UBAC1: variants seen among roughly 807,000 people sequenced by gnomAD.
UBAC1 encodes the protein UBA domain containing 1.
Under a neutral mutation model 45.9 loss-of-function variants are expected in UBAC1, and 27 were observed. That is an observed-to-expected ratio of 0.59 (90% CI 0.43 to 0.81). The LOEUF (loss-of-function observed/expected upper bound fraction) is 0.81, where lower values mean the gene tolerates loss of function less well. Ranked by LOEUF, UBAC1 falls within the 30% of genes least tolerant of loss-of-function variation. The pLI is 0.00. For synonymous variants in UBAC1, 227 were observed against 215.5 expected (o/e 1.05, Z -0.47); for missense variants, 529 against 539.2 (o/e 0.98, Z 0.19).
In UBAC1 at chr9:135,946,253, C is replaced by T. The variant is rs1301376987; in HGVS notation, c.544+16G>A. 12 of 1,568,392 alleles carry T rather than the reference C, an allele frequency of 7.7e-6. No homozygotes were observed. Among genetic ancestry groups the T allele is most frequent in the East Asian group, 4.5e-5 (2 of 44,668 alleles). The stretch of plus-strand genomic sequence containing the variant: ...AGTGAACCGCCCTGGAATGCAGCAT[C>T]GGGGTTGACTCATACCATTCGCCTT... On this transcript the variant is annotated intron_variant, in intron 5 of 9. Coordinates refer to ENST00000371756, the MANE Select transcript of UBAC1 (RefSeq NM_016172.3).
At chr9:135,956,017 TGCTGCA>T (rs1395312707) in intron 1 of UBAC1, among the ~76,000 whole-genome samples, 1 of 152,120 alleles carries the variant, frequency 6.6e-6, no homozygotes, top group Non-Finnish European at 1.5e-5. Context: ...GCAACAGCCA[TGCTGCA>T]CCCCTGGGCG....
intron 9 of UBAC1, among the ~76,000 whole-genome samples, chr9:135,935,201 G>C (rs1839189445): frequency 6.6e-6 from 1 of 152,142 alleles, no homozygotes; most frequent in South Asian, 2.1e-4. Context: ...CCAACCTGAG[G>C]AAGGACTGTC....
At chr9:135,941,883 A>G (rs1286645657) in intron 7 of UBAC1, among the ~76,000 whole-genome samples, 1 of 152,226 alleles carries the variant, frequency 6.6e-6, no homozygotes, top group Admixed American at 6.5e-5. Flanking sequence ...TAACAAAGCT[A>G]GTATCTCGAT....
At chr9:135,939,201 CA>C (rs1839236910) in intron 8 of UBAC1, among the ~76,000 whole-genome samples, 1 of 129,450 alleles carries the variant, frequency 7.7e-6, no homozygotes, top group African/African-American at 2.8e-5. Flanking sequence ...ACCCTGACTC[CA>C]AAAAAATTAA....
At chr9:135,949,565 C>T (rs1366799387) in intron 3 of UBAC1, among the ~76,000 whole-genome samples, 3 of 152,194 alleles carry the variant, frequency 2.0e-5, no homozygotes, top group South Asian at 2.1e-4. Flanking sequence ...AGCTGCCTCA[C>T]GTACTGCATA....
At chr9:135,936,564 C>T (rs141991641) in intron 9 of UBAC1, among the ~76,000 whole-genome samples, 183 of 150,596 alleles carry the variant, frequency 1.2e-3, no homozygotes, top group African/African-American at 3.8e-3. Flanking sequence ...GGCACGATCT[C>T]GGCTCACTGC....
intron 9 of UBAC1, among the ~76,000 whole-genome samples, chr9:135,936,271 G>A (rs1349762118): frequency 6.6e-6 from 1 of 152,008 alleles, no homozygotes; most frequent in East Asian, 1.9e-4. Context: ...GGAGAGCTAG[G>A]AGGAATATGC....
At chr9:135,951,418 A>G (rs898978374) in intron 3 of UBAC1, among the ~76,000 whole-genome samples, 42 of 151,962 alleles carry the variant, frequency 2.8e-4, no homozygotes, top group African/African-American at 8.4e-4. Flanking sequence ...TGAGCCCAGG[A>G]GGTCAAGGTT....
chr9:135,946,221 G>T, intron 5 of UBAC1, 48 bp downstream of exon 5: 2 of 1,366,770 alleles, frequency 1.5e-6, no homozygotes, highest in South Asian at 1.2e-5. Flanking sequence ...CGCTCCCCAA[G>T]GCCGGCAGTG....
Position 135,945,029 on chromosome 9 carries a change from C to A in UBAC1, c.875G>T (p.Arg292Leu), listed in dbSNP as rs1397393200. ...RRKREFRADA[R>L]AVISLMEMGF... Reference sequence around the variant, plus strand: ...GGCGACAGGTCTAGTAACACATACCCGAGCATCAGCCCGAAACTCCCTTTT... The same window carrying A: ...GGCGACAGGTCTAGTAACACATACCAGAGCATCAGCCCGAAACTCCCTTTT... The change falls in exon 7 of 10, where the codon CGG becomes CTG. Residue 292 changes from arginine (R) to leucine (L), a missense_variant and splice_region_variant. Arg to Leu is a moderately radical substitution (Grantham distance 102). Coordinates refer to ENST00000371756, the MANE Select transcript of UBAC1 (RefSeq NM_016172.3). 6.2e-7 allele frequency: 1 copy of A among 1,613,118 alleles called. No homozygotes were observed. Among genetic ancestry groups the A allele is most frequent in the African/African-American group, 1.3e-5 (1 of 75,038 alleles).
intron 9 of UBAC1, among the ~76,000 whole-genome samples, chr9:135,937,684 G>A (rs896154340): frequency 3.9e-5 from 6 of 152,182 alleles, no homozygotes; most frequent in African/African-American, 9.6e-5. Context: ...CCGCGGCCAC[G>A]GCGACGGCCA....
rs1258483492 is a variant in UBAC1 at position 135,933,274 on chromosome 9, T to C, written c.*126A>G. 1.1e-5 allele frequency: 8 copies of C among 715,906 alleles called. No individual in the cohort carries two copies. The highest frequency in any genetic ancestry group is 9.9e-5 in the Admixed American group (4 of 40,408). 44.3% of individuals were successfully genotyped at this position (715,906 alleles called of 1,614,324 possible). On this transcript the variant is annotated 3_prime_UTR_variant, in exon 10 of 10. Transcript: ENST00000371756. ...AATAAGATCAGAGAGCAGGAGCAGC[T>C]GCAGCACCTCTAACAGTCCAGGGCT... is the stretch of plus-strand genomic sequence containing the variant.
At chr9:135,956,941 G>T (rs1207779695) in intron 1 of UBAC1, among the ~76,000 whole-genome samples, 1 of 152,162 alleles carries the variant, frequency 6.6e-6, no homozygotes, top group South Asian at 2.1e-4. Flanking sequence ...AGCTGGGCCG[G>T]GGCACCACCC....
chr9:135,959,477 C>T (rs942545714), intron 1 of UBAC1, among the ~76,000 whole-genome samples: 2 of 149,406 alleles, frequency 1.3e-5, no homozygotes, highest in Middle Eastern at 3.2e-3. Flanking sequence ...CGGGTTCAAG[C>T]GATTACCCTG....
At position 135,945,989 on chromosome 9, in the gene UBAC1, C is replaced by T; in HGVS notation, c.553G>A (p.Asp185Asn). Residue 185 changes from aspartate to asparagine, a missense_variant, in exon 6 of 10, where the codon GAC becomes AAC. Physicochemically the swap from Asp to Asn is conservative, Grantham distance 23. Coordinates refer to ENST00000371756, the MANE Select transcript of UBAC1 (RefSeq NM_016172.3). ...ELFKKANAML[D>N]EDEDERVDEA... ...TCCACACGCTCATCCTCGTCCTCGT[C>T]CAGCATTGCTGCAGGGAGACGACAG... is the stretch of plus-strand genomic sequence containing the variant. The T allele has an allele frequency of 6.2e-7, 1 of 1,613,714 alleles. No individual in the cohort carries two copies. The highest frequency in any genetic ancestry group is 8.5e-7 in the Non-Finnish European group (1 of 1,180,028).
intron 3 of UBAC1, among the ~76,000 whole-genome samples, chr9:135,951,176 C>G (rs1839402736): frequency 6.6e-6 from 1 of 152,102 alleles, no homozygotes; most frequent in African/African-American, 2.4e-5. Context: ...AATTCCTGGA[C>G]TCAAGTGATC....
intron 3 of UBAC1, among the ~76,000 whole-genome samples, chr9:135,952,349 A>G (rs1839415689): frequency 6.6e-6 from 1 of 152,248 alleles, no homozygotes; most frequent in Non-Finnish European, 1.5e-5. Context: ...CACGAGTAAG[A>G]AATTCTACCC....
At position 135,938,211 on chromosome 9, in the gene UBAC1, G is replaced by A; in HGVS notation, c.1102+11C>T. ...CCGACCCGAGACTTAGCATAAAGAA[G>A]GCGCACATACCTAGCAATGTTTTCG... On this transcript the variant is annotated intron_variant, in intron 9 of 9. Coordinates refer to ENST00000371756, the MANE Select transcript of UBAC1 (RefSeq NM_016172.3). 3 of 1,613,008 alleles carry A rather than the reference G, an allele frequency of 1.9e-6. No individual in the cohort carries two copies. Among genetic ancestry groups the A allele is most frequent in the Non-Finnish European group, 2.5e-6 (3 of 1,179,570 alleles).
chr9:135,954,221 G>A (rs1042573631), intron 2 of UBAC1, among the ~76,000 whole-genome samples: 6 of 151,552 alleles, frequency 4.0e-5, no homozygotes, highest in Non-Finnish European at 7.4e-5. Flanking sequence ...CGAGGCAGGC[G>A]GATCACTTGA....
Sources: gnomAD v4.1 joint callset for allele counts (sites outside exome capture counted in the v4.1 genomes callset) on GRCh38, gnomAD v4.1.1 for gene constraint, MANE v1.5 for transcripts, NCBI Gene and HGNC (gene_info 2026-07-23, HGNC 2026-07-21) for gene names.